The following PALM2AKAP2 variants were observed in gnomAD, a reference collection of about 807,000 sequenced individuals.
The protein encoded by PALM2AKAP2 is PALM2 and AKAP2 fusion.
A neutral mutation model predicts 71.5 loss-of-function variants in PALM2AKAP2; 37 were observed. That is an observed-to-expected ratio of 0.52 (90% CI 0.40 to 0.68). PALM2AKAP2 has a LOEUF of 0.68. Ranked by LOEUF, PALM2AKAP2 falls within the 30% of genes least tolerant of loss-of-function variation. The pLI, the probability that PALM2AKAP2 is intolerant of heterozygous loss-of-function variation, is 0.00. For missense variants in PALM2AKAP2, 1,224 were observed against 1,191.8 expected (o/e 1.03, Z -0.40); for synonymous variants, 468 against 478.8 (o/e 0.98, Z 0.29).
intron 6 of PALM2AKAP2, among the ~76,000 whole-genome samples, chr9:109,984,886 T>G (rs1202906686): frequency 6.7e-6 from 1 of 150,280 alleles, no homozygotes; most frequent in Non-Finnish European, 1.5e-5. Flanking sequence ...GAAAAAAATT[T>G]TAAAAAGGCC....
At chr9:109,807,341 G>A (rs535032791) in intron 1 of PALM2AKAP2, among the ~76,000 whole-genome samples, 3 of 152,330 alleles carry the variant, frequency 2.0e-5, no homozygotes, top group Admixed American at 2.0e-4. Context: ...TGAGTGGTCA[G>A]TGTCTTAGCC....
intron 3 of PALM2AKAP2, among the ~76,000 whole-genome samples, chr9:109,881,701 G>A (rs538025301): frequency 6.6e-6 from 1 of 152,014 alleles, no homozygotes; most frequent in South Asian, 2.1e-4. Context: ...TTTTACTTGG[G>A]AGCTATAGCC....
intron 3 of PALM2AKAP2, among the ~76,000 whole-genome samples, chr9:109,881,775 G>A (rs987683194): frequency 6.7e-6 from 1 of 150,322 alleles, no homozygotes; most frequent in Admixed American, 6.7e-5. Flanking sequence ...GGTAAGCATA[G>A]ATGCCTTAGA....
chr9:110,092,203 A>G lies in PALM2AKAP2; in HGVS notation c.156+43348A>G, dbSNP rs182923187. Among the ~76,000 whole-genome samples, 64 of 152,266 alleles carry G rather than the reference A, an allele frequency of 4.2e-4. No homozygotes were observed. In the East Asian group the frequency reaches 8.7e-3, roughly 21 times the overall value. On this transcript the variant is annotated intron_variant, in intron 1 of 3. Transcript: ENST00000374525. ...AAAAATTAGCCAGGTGTGGTGGTGC[A>G]TTCCTGTAGTCCCAGCTACTTGGGA...
intron 1 of PALM2AKAP2, among the ~76,000 whole-genome samples, chr9:109,814,657 G>C (rs1027952952): frequency 6.6e-6 from 1 of 152,218 alleles, no homozygotes; most frequent in African/African-American, 2.4e-5. Context: ...TAAGTACTCT[G>C]ATAGAGAAGC....
At chr9:109,692,209 A>T (rs1295322648) in intron 1 of PALM2AKAP2, among the ~76,000 whole-genome samples, 1 of 151,614 alleles carries the variant, frequency 6.6e-6, no homozygotes, top group Non-Finnish European at 1.5e-5. Context: ...TTAAAATTTT[A>T]TTGTAAATTT....
chr9:110,115,784 C>G (rs1203915573), intron 1 of PALM2AKAP2, among the ~76,000 whole-genome samples: 1 of 152,088 alleles, frequency 6.6e-6, no homozygotes, highest in Non-Finnish European at 1.5e-5. Flanking sequence ...ATCTCTAAAC[C>G]TTTTAGAACC....
chr9:109,954,280 A>G (rs1160024656), intron 6 of PALM2AKAP2, among the ~76,000 whole-genome samples: 2 of 152,160 alleles, frequency 1.3e-5, no homozygotes, highest in Non-Finnish European at 2.9e-5. Context: ...GCAAAGAGGA[A>G]CAGCTGCCCT....
chr9:109,843,570 G>A (rs1361938132), intron 1 of PALM2AKAP2, among the ~76,000 whole-genome samples: 2 of 152,064 alleles, frequency 1.3e-5, no homozygotes, highest in Non-Finnish European at 2.9e-5. Flanking sequence ...ACAGATTAGA[G>A]TATGTGAAAA....
chr9:110,102,187 G>C (rs767692642), intron 1 of PALM2AKAP2, among the ~76,000 whole-genome samples: 1 of 151,950 alleles, frequency 6.6e-6, no homozygotes, highest in Non-Finnish European at 1.5e-5. Flanking sequence ...TCTGTAGGAC[G>C]GCTTTGTGTC....
intron 6 of PALM2AKAP2, among the ~76,000 whole-genome samples, chr9:109,970,060 T>C (rs1387061553): frequency 1.3e-5 from 2 of 152,148 alleles, no homozygotes; most frequent in Admixed American, 1.3e-4. Flanking sequence ...GTCCCTCTGT[T>C]CTCAGGGATG....
intron 1 of PALM2AKAP2, among the ~76,000 whole-genome samples, chr9:109,730,732 T>C (rs1279936982): frequency 6.6e-6 from 1 of 152,152 alleles, no homozygotes; most frequent in African/African-American, 2.4e-5. Flanking sequence ...TAAGGAATGA[T>C]AATCACCCTT....
At chr9:110,153,684 A>G (rs1319020751) in intron 2 of PALM2AKAP2, among the ~76,000 whole-genome samples, 1 of 152,264 alleles carries the variant, frequency 6.6e-6, no homozygotes, top group Non-Finnish European at 1.5e-5. Flanking sequence ...GGATCTGGCA[A>G]TGATCAGACA....
chr9:109,685,590 T>C (rs1407580960), intron 1 of PALM2AKAP2, among the ~76,000 whole-genome samples: 2 of 152,182 alleles, frequency 1.3e-5, no homozygotes, highest in Non-Finnish European at 2.9e-5. Context: ...CATATATATA[T>C]TTACACACAT....
chr9:110,011,391 A>G (rs1169683629), intron 6 of PALM2AKAP2, among the ~76,000 whole-genome samples: 3 of 152,110 alleles, frequency 2.0e-5, no homozygotes, highest in Admixed American at 6.5e-5. Context: ...TAAGCTTTGC[A>G]AATGTTGGTG....
intron 1 of PALM2AKAP2, among the ~76,000 whole-genome samples, chr9:109,863,850 T>A (rs1159258259): frequency 2.6e-5 from 4 of 151,872 alleles, no homozygotes; most frequent in Admixed American, 1.3e-4. Flanking sequence ...GAGACTGAGG[T>A]GGGTGGATCA....
chr9:109,979,490 T>C (rs1832231473), intron 6 of PALM2AKAP2, among the ~76,000 whole-genome samples: 1 of 152,222 alleles, frequency 6.6e-6, no homozygotes, highest in African/African-American at 2.4e-5. Flanking sequence ...TCTGCAGCAA[T>C]GTAGTAAACC....
chr9:109,843,121 C>T (rs1828749071), intron 1 of PALM2AKAP2, among the ~76,000 whole-genome samples: 2 of 105,092 alleles, frequency 1.9e-5, no homozygotes, highest in Non-Finnish European at 3.5e-5. Context: ...GCCTGGGCAA[C>T]AGGAATGAAA....
At chr9:109,853,226 G>A (rs929726114) in intron 1 of PALM2AKAP2, among the ~76,000 whole-genome samples, 11 of 152,228 alleles carry the variant, frequency 7.2e-5, no homozygotes, top group South Asian at 6.2e-4. Flanking sequence ...AGAACTGCGC[G>A]TGGCACCTGT....
Sources: allele counts gnomAD v4.1 joint callset (sites outside exome capture counted in the v4.1 genomes callset), GRCh38; gene constraint gnomAD v4.1.1; transcripts MANE v1.5; gene names NCBI Gene and HGNC (gene_info 2026-07-23, HGNC 2026-07-21).